The following CNTN4 variants were observed in gnomAD, a reference collection of about 807,000 sequenced individuals.
The protein encoded by CNTN4 is contactin 4.
In CNTN4, 77 loss-of-function variants were observed where a neutral mutation model predicts 122.5. The observed-to-expected ratio is 0.63, with a 90% CI of 0.52 to 0.76. CNTN4 has a LOEUF of 0.76. CNTN4 is among the 30% of genes least tolerant of loss of function. The pLI, the probability that CNTN4 is intolerant of heterozygous loss-of-function variation, is 0.00. For synonymous variants in CNTN4, 512 were observed against 447.0 expected (o/e 1.15, Z -1.83); for missense variants, 1,256 against 1,259.1 (o/e 1.00, Z 0.04).
chr3:2,878,390 A>AAAC (rs2093869377), intron 8 of CNTN4, among the ~76,000 whole-genome samples: 1 of 152,242 alleles, frequency 6.6e-6, no homozygotes, highest in South Asian at 2.1e-4. Context: ...ATCACAGCAT[A>AAAC]AACACTGCAT....
intron 2 of CNTN4, among the ~76,000 whole-genome samples, chr3:2,151,712 T>C (rs1186133005): frequency 6.6e-6 from 1 of 152,112 alleles, no homozygotes; most frequent in Non-Finnish European, 1.5e-5. Context: ...AATGGACTAA[T>C]GAGTTGTCAT....
chr3:2,832,255 G>A (rs963016069), intron 7 of CNTN4, among the ~76,000 whole-genome samples: 4 of 152,206 alleles, frequency 2.6e-5, no homozygotes, highest in Admixed American at 2.6e-4. Context: ...GTAAAAATAG[G>A]AGATTTTGGC....
At position 2,830,083 on chromosome 3, in the gene CNTN4, T is replaced by G. The variant is rs568662450; in HGVS notation, c.454+10502T>G. Among the ~76,000 whole-genome samples, 341 of 152,340 alleles carry G rather than the reference T, an allele frequency of 2.2e-3. 2 individuals carry two copies. Among genetic ancestry groups the G allele is most frequent in the Middle Eastern group, 6.8e-3 (2 of 294 alleles). On this transcript the variant is annotated intron_variant, in intron 7 of 24. Transcript: ENST00000418658. The stretch of plus-strand genomic sequence containing the variant: ...GAAATAAATTTCAGGAAATTCTTTT[T>G]CTGTCTCCTTTTTTCCTCACTTGCT...
chr3:2,434,171 T>C (rs2048177746), intron 3 of CNTN4, among the ~76,000 whole-genome samples: 5 of 152,248 alleles, frequency 3.3e-5, no homozygotes, highest in Admixed American at 3.3e-4. Flanking sequence ...CCATAAAAAA[T>C]TAAAAGTATG....
chr3:2,614,858 A>G (rs908307818), intron 4 of CNTN4, among the ~76,000 whole-genome samples: 2 of 152,118 alleles, frequency 1.3e-5, no homozygotes, highest in African/African-American at 4.8e-5. Context: ...TCTGCATATA[A>G]AAAAGCAAAG....
At chr3:2,368,449 A>G (rs1225760519) in intron 3 of CNTN4, among the ~76,000 whole-genome samples, 1 of 152,124 alleles carries the variant, frequency 6.6e-6, no homozygotes, top group Non-Finnish European at 1.5e-5. Context: ...CTCAAAACCC[A>G]TCTTTCACTT....
At chr3:2,560,872 C>T (rs894485959) in intron 3 of CNTN4, among the ~76,000 whole-genome samples, 8 of 152,134 alleles carry the variant, frequency 5.3e-5, no homozygotes, top group African/African-American at 1.7e-4. Flanking sequence ...GATAGAGTGC[C>T]GTAGTAGATT....
chr3:2,964,236 A>C (rs551903806), intron 13 of CNTN4, among the ~76,000 whole-genome samples: 2 of 152,316 alleles, frequency 1.3e-5, no homozygotes, highest in East Asian at 3.9e-4. Context: ...ACCTCCACCC[A>C]AAGTAATCGG....
chr3:2,912,680 G>A (rs1424284974), intron 12 of CNTN4, among the ~76,000 whole-genome samples: 1 of 152,164 alleles, frequency 6.6e-6, no homozygotes, highest in Non-Finnish European at 1.5e-5. Flanking sequence ...ACAAAGTGGG[G>A]CAGCAGGATG....
At chr3:3,040,886 C>G (rs1700102232) in intron 20 of CNTN4, among the ~76,000 whole-genome samples, 1 of 151,392 alleles carries the variant, frequency 6.6e-6, no homozygotes, top group African/African-American at 2.4e-5. Flanking sequence ...GAGATCGCAC[C>G]ACTGCACTCC....
At chr3:2,595,564 T>G (rs1232245677) in intron 4 of CNTN4, among the ~76,000 whole-genome samples, 4 of 152,144 alleles carry the variant, frequency 2.6e-5, no homozygotes, top group Admixed American at 2.6e-4. Context: ...ACCTTGTCAA[T>G]GAAGGATAAG....
At chr3:2,713,790 G>T (rs2087301205) in intron 4 of CNTN4, among the ~76,000 whole-genome samples, 1 of 152,150 alleles carries the variant, frequency 6.6e-6, no homozygotes, top group Admixed American at 6.5e-5. Flanking sequence ...AATCTGAAAT[G>T]AATGTACAAA....
intron 4 of CNTN4, among the ~76,000 whole-genome samples, chr3:2,659,997 C>A (rs1225009876): frequency 1.3e-5 from 2 of 152,110 alleles, no homozygotes; most frequent in East Asian, 3.9e-4. Flanking sequence ...CTTTTATTGG[C>A]TTTTAAAATA....
In CNTN4 at chr3:2,152,141, G is replaced by A. The variant is rs570802810; in HGVS notation, c.-145+51502G>A. On this transcript the variant is annotated intron_variant, in intron 2 of 24. Coordinates refer to ENST00000418658, the MANE Select transcript of CNTN4 (RefSeq NM_175607.3). ...ATTTAAACAAAGTATTGAAGGAGAC[G>A]GGGCAAGTTTGTCAGATGGGTATGT... 4.6e-5 allele frequency among the ~76,000 whole-genome samples: 7 copies of A among 152,210 alleles called. No individual in the cohort carries two copies. In the South Asian group the frequency reaches 1.2e-3, roughly 27 times the overall value.
rs148926755 is a variant in CNTN4 at position 2,145,663 on chromosome 3, A to G, written c.-145+45024A>G. On this transcript the variant is annotated intron_variant, in intron 2 of 24. Coordinates refer to ENST00000418658, the MANE Select transcript of CNTN4 (RefSeq NM_175607.3). Reference sequence around the variant, plus strand: ...ATTATGAAATTTACTGGCAGTGACAATTGGCTTTTGGCATAAATTAATCAT... The same window carrying G: ...ATTATGAAATTTACTGGCAGTGACAGTTGGCTTTTGGCATAAATTAATCAT... 4.5e-3 allele frequency among the ~76,000 whole-genome samples: 691 copies of G among 152,332 alleles called. 1 individual carries two copies. The highest frequency in any genetic ancestry group is 0.015 in the African/African-American group (624 of 41,570).
intron 4 of CNTN4, among the ~76,000 whole-genome samples, chr3:2,615,847 T>G (rs916566896): frequency 2.6e-5 from 4 of 152,142 alleles, no homozygotes; most frequent in African/African-American, 9.7e-5. Flanking sequence ...CCTTCTAGCC[T>G]TCAAGTGTTT....
intron 3 of CNTN4, among the ~76,000 whole-genome samples, chr3:2,395,262 A>G (rs1165649182): frequency 1.3e-5 from 2 of 152,156 alleles, no homozygotes; most frequent in African/African-American, 4.8e-5. Context: ...ACACAAGGAA[A>G]TGCATACTGT....
chr3:2,846,863 G>T (rs1304133749), intron 7 of CNTN4, among the ~76,000 whole-genome samples: 1 of 152,130 alleles, frequency 6.6e-6, no homozygotes, highest in African/African-American at 2.4e-5. Context: ...GGGTGTGGTG[G>T]TGCATGCCTA....
chr3:2,190,143 A>C (rs1397846074), intron 2 of CNTN4, among the ~76,000 whole-genome samples: 1 of 152,188 alleles, frequency 6.6e-6, no homozygotes, highest in African/African-American at 2.4e-5. Context: ...TTTCTGCCCA[A>C]CTCTAACCTT....
Sources: allele counts gnomAD v4.1 joint callset (sites outside exome capture counted in the v4.1 genomes callset), GRCh38; gene constraint gnomAD v4.1.1; transcripts MANE v1.5; gene names NCBI Gene and HGNC (gene_info 2026-07-23, HGNC 2026-07-21).